The following DLG1 variants were observed in gnomAD, a reference collection of about 807,000 sequenced individuals.
The protein encoded by DLG1 is discs large MAGUK scaffold protein 1.
A neutral mutation model predicts 123.4 loss-of-function variants in DLG1; 42 were observed. That is an observed-to-expected ratio of 0.34 (90% CI 0.27 to 0.44). The LOEUF (loss-of-function observed/expected upper bound fraction) is 0.44, where lower values mean the gene tolerates loss of function less well. DLG1 is among the 20% of genes least tolerant of loss of function. The pLI is 1.00. For missense variants in DLG1, 942 were observed against 1,082.6 expected (o/e 0.87, Z 1.82); for synonymous variants, 317 against 356.2 (o/e 0.89, Z 1.24).
intron 1 of DLG1, chr3:197,297,612 GCT>G: frequency 9.9e-7 from 1 of 1,011,150 alleles, no homozygotes; most frequent in Non-Finnish European, 1.2e-6. Context: ...GCCGCAGAGC[GCT>G]GAGAGGGGAC....
In DLG1 at chr3:197,128,627, G is replaced by A. The variant is rs186819450; in HGVS notation, c.1165+1900C>T. ...ATTTACTTTGCCCAGATCCATCAGC[G>A]GAATCACTACCTATGACAGCTATAG... On this transcript the variant is annotated intron_variant, in intron 11 of 24. Transcript: ENST00000667157. 2.9e-3 allele frequency among the ~76,000 whole-genome samples: 438 copies of A among 152,286 alleles called. 7 individuals carry two copies. Among genetic ancestry groups the A allele is most frequent in the Non-Finnish European group, 1.6e-3 (111 of 68,018 alleles).
chr3:197,143,390 G>A (rs1789055710), intron 6 of DLG1, among the ~76,000 whole-genome samples: 1 of 152,036 alleles, frequency 6.6e-6, no homozygotes, highest in Non-Finnish European at 1.5e-5. Flanking sequence ...CGAGTAGCTG[G>A]GACTACAGGT....
intron 3 of DLG1, among the ~76,000 whole-genome samples, chr3:197,293,316 A>T (rs114497290): frequency 7.6e-4 from 116 of 152,300 alleles, no homozygotes; most frequent in Admixed American, 2.4e-3. Context: ...ATTAGTAAAA[A>T]CTTTTCTGCT....
At chr3:197,107,754 TTA>T (rs1767418191) in intron 13 of DLG1, among the ~76,000 whole-genome samples, 1 of 152,096 alleles carries the variant, frequency 6.6e-6, no homozygotes, top group Non-Finnish European at 1.5e-5. Context: ...CTATACAAGA[TTA>T]TGTCATCTGC....
At chr3:197,237,118 C>A (rs1197146888) in intron 4 of DLG1, among the ~76,000 whole-genome samples, 1 of 152,270 alleles carries the variant, frequency 6.6e-6, no homozygotes, top group South Asian at 2.1e-4. Context: ...ATAAACATAT[C>A]TTTTAAAGAC....
At chr3:197,113,841 T>C (rs1025019187) in intron 13 of DLG1, among the ~76,000 whole-genome samples, 1 of 152,092 alleles carries the variant, frequency 6.6e-6, no homozygotes, top group Non-Finnish European at 1.5e-5. Flanking sequence ...TAGATATAGA[T>C]AAGAAAATTG....
intron 16 of DLG1, among the ~76,000 whole-genome samples, chr3:197,083,436 AAAG>A (rs1185048930): frequency 1.3e-5 from 2 of 152,204 alleles, no homozygotes; most frequent in East Asian, 1.9e-4. Context: ...AAAAGCTCTT[AAAG>A]AAGAACTTCC....
At chr3:197,175,042 G>A (rs566958012) in intron 5 of DLG1, among the ~76,000 whole-genome samples, 12 of 152,324 alleles carry the variant, frequency 7.9e-5, no homozygotes, top group African/African-American at 2.2e-4. Flanking sequence ...CTCCTGTTAC[G>A]AAGTGAGGAG....
intron 5 of DLG1, among the ~76,000 whole-genome samples, chr3:197,155,383 A>G (rs901996694): frequency 5.3e-5 from 8 of 152,204 alleles, no homozygotes; most frequent in African/African-American, 1.9e-4. Context: ...TCTCTGATGA[A>G]CAAAAGCTGA....
intron 5 of DLG1, among the ~76,000 whole-genome samples, chr3:197,165,339 C>A (rs1229354673): frequency 1.3e-5 from 2 of 152,124 alleles, no homozygotes; most frequent in African/African-American, 4.8e-5. Flanking sequence ...TTTATTATTT[C>A]CTGTAGAAAG....
chr3:197,176,466 AT>A lies in DLG1; in HGVS notation c.483+17958del, dbSNP rs563724375. On this transcript the variant is annotated intron_variant, in intron 5 of 24. Transcript: ENST00000667157. ...AAAAATCCTCTGTGCTCTATTATTT[AT>A]CCCTCTCACCTAACCCCTGGCAACC... 1.2e-3 allele frequency among the ~76,000 whole-genome samples: 189 copies of A among 152,186 alleles called. 1 individual carries two copies. Among genetic ancestry groups the A allele is most frequent in the Non-Finnish European group, 1.4e-3 (96 of 67,968 alleles).
intron 10 of DLG1, 195 bp downstream of exon 10, chr3:197,136,346 AG>A: frequency 1.9e-6 from 1 of 518,624 alleles, no homozygotes; most frequent in South Asian, 2.7e-5. Flanking sequence ...AAAAGGGAGG[AG>A]GAGCTAGCAG....
At chr3:197,099,979 G>C (rs1762584595) in intron 14 of DLG1, among the ~76,000 whole-genome samples, 1 of 152,194 alleles carries the variant, frequency 6.6e-6, no homozygotes, top group Non-Finnish European at 1.5e-5. Context: ...GAATCTGACA[G>C]GCATATGGCA....
At chr3:197,217,227 GGTAGATAA>G (rs1734564286) in intron 4 of DLG1, among the ~76,000 whole-genome samples, 1 of 151,990 alleles carries the variant, frequency 6.6e-6, no homozygotes, top group South Asian at 2.1e-4. Flanking sequence ...AACTGTTGAA[GGTAGATAA>G]GTACACAAAG....
chr3:197,286,128 A>G (rs1451238220), intron 3 of DLG1, among the ~76,000 whole-genome samples: 2 of 152,262 alleles, frequency 1.3e-5, no homozygotes, highest in Non-Finnish European at 2.9e-5. Flanking sequence ...AAAAGGTTAC[A>G]TACTTATGAT....
At chr3:197,218,187 T>C (rs1561511777) in intron 4 of DLG1, among the ~76,000 whole-genome samples, 1 of 152,200 alleles carries the variant, frequency 6.6e-6, no homozygotes, top group Non-Finnish European at 1.5e-5. Flanking sequence ...GCAGTCTGTA[T>C]AGCAAATATC....
intron 11 of DLG1, among the ~76,000 whole-genome samples, chr3:197,121,823 C>CAAAAAAAAAAAAAAAAAAAAAAAA (rs71161995): frequency 9.8e-6 from 1 of 102,000 alleles, no homozygotes; most frequent in Non-Finnish European, 1.9e-5. Flanking sequence ...ACAATCACCA[C>CAAAAAAAAAAAAAAAAAAAAAAAA]AAAAAAAAAA....
intron 15 of DLG1, among the ~76,000 whole-genome samples, chr3:197,089,537 A>AC (rs1214931672): frequency 6.6e-6 from 1 of 151,812 alleles, no homozygotes; most frequent in Non-Finnish European, 1.5e-5. Context: ...TAAAAAAAAA[A>AC]AAAAAACAGA....
intron 22 of DLG1, among the ~76,000 whole-genome samples, chr3:197,062,793 T>A (rs1026711126): frequency 1.3e-4 from 20 of 152,326 alleles, no homozygotes; most frequent in Admixed American, 1.3e-3. Context: ...ATAAAGCAAA[T>A]AAACATACGT....
Sources: gnomAD v4.1 joint callset for allele counts (sites outside exome capture counted in the v4.1 genomes callset) on GRCh38, gnomAD v4.1.1 for gene constraint, MANE v1.5 for transcripts, NCBI Gene and HGNC (gene_info 2026-07-23, HGNC 2026-07-21) for gene names.